Variants in POLR2F observed in about 807,000 individuals in gnomAD.
POLR2F encodes the protein RNA polymerase II, I and III subunit F.
POLR2F carries 12 observed loss-of-function variants against 22.7 expected under a neutral mutation model. That is an observed-to-expected ratio of 0.53 (90% CI 0.34 to 0.86). The LOEUF is 0.86. Ranked by LOEUF, POLR2F falls within the 40% of genes least tolerant of loss-of-function variation. POLR2F has a pLI of 0.02. For synonymous variants in POLR2F, 57 were observed against 66.0 expected (o/e 0.86, Z 0.66); for missense variants, 126 against 171.5 (o/e 0.73, Z 1.48).
intron 1 of POLR2F, among the ~76,000 whole-genome samples, chr22:38,025,238 TGCTC>T (rs1254964099): frequency 6.6e-6 from 1 of 152,030 alleles, no homozygotes; most frequent in Non-Finnish European, 1.5e-5. Flanking sequence ...TGCACTCACT[TGCTC>T]ACACACACAC....
intron 1 of POLR2F, among the ~76,000 whole-genome samples, chr22:37,993,947 C>G (rs1190789991): frequency 1.3e-5 from 2 of 152,192 alleles, no homozygotes; most frequent in East Asian, 3.8e-4. Flanking sequence ...CGAGATCGCG[C>G]CACTGCACTC....
chr22:38,038,837 G>A (rs2145838172), intron 5 of POLR2F, among the ~76,000 whole-genome samples: 1 of 139,362 alleles, frequency 7.2e-6, no homozygotes, highest in South Asian at 2.6e-4. Context: ...CGTGGCGGCC[G>A]CGGCGCCCTC....
At chr22:38,007,653 A>T (rs550797377) in intron 1 of POLR2F, among the ~76,000 whole-genome samples, 4 of 152,324 alleles carry the variant, frequency 2.6e-5, no homozygotes, top group Admixed American at 2.6e-4. Flanking sequence ...GCGGGCCTCC[A>T]GTTCTTCCCG....
intron 1 of POLR2F, among the ~76,000 whole-genome samples, chr22:37,996,158 C>T (rs2084711815): frequency 6.6e-6 from 1 of 152,198 alleles, no homozygotes; most frequent in South Asian, 2.1e-4. Flanking sequence ...CAGCCAAGCC[C>T]CTGAGGACCT....
intron 1 of POLR2F, among the ~76,000 whole-genome samples, chr22:38,011,248 T>C (rs1233641997): frequency 1.3e-5 from 2 of 151,878 alleles, no homozygotes; most frequent in Non-Finnish European, 2.9e-5. Flanking sequence ...ACTATAGGCA[T>C]TCGCACCATG....
At chr22:38,010,512 C>G (rs2084861772) in intron 1 of POLR2F, among the ~76,000 whole-genome samples, 1 of 151,718 alleles carries the variant, frequency 6.6e-6, no homozygotes, top group East Asian at 1.9e-4. Context: ...TTCCTTCACC[C>G]TGAACAACAC....
intron 1 of POLR2F, among the ~76,000 whole-genome samples, chr22:38,019,954 C>T (rs530771142): frequency 3.3e-5 from 5 of 152,002 alleles, no homozygotes; most frequent in East Asian, 1.9e-4. Flanking sequence ...GCAGAGGTTG[C>T]GGTGAGCCGA....
intron 5 of POLR2F, among the ~76,000 whole-genome samples, chr22:38,039,027 G>A (rs2085145376): frequency 6.6e-6 from 1 of 152,146 alleles, no homozygotes; most frequent in Non-Finnish European, 1.5e-5. Context: ...CCCAGCCTCC[G>A]CGCCAGGCCT....
intron 1 of POLR2F, among the ~76,000 whole-genome samples, chr22:38,001,587 C>G (rs1233270284): frequency 2.0e-5 from 3 of 152,104 alleles, no homozygotes; most frequent in Non-Finnish European, 4.4e-5. Flanking sequence ...GGCTGGAGTG[C>G]TATGGTATAA....
chr22:37,984,093 T>G, upstream of POLR2F: 3 of 223,958 alleles, frequency 1.3e-5, no homozygotes, highest in East Asian at 9.9e-5. This position sits in a 1 kb window ranked among gnomAD's most constrained non-coding sequence, Gnocchi z 4.4. Flanking sequence ...GCTTTTTTTT[T>G]AGCCTCCTTT....
At position 38,040,971 on chromosome 22, in the gene POLR2F, T is replaced by C. The variant is rs1169091277; in HGVS notation, c.453-97T>C. ...GAGAATAATGATGACAACAGTGACG[T>C]TGATCAAAGGCTGAAGTTCTTCATG... On this transcript the variant is annotated intron_variant, in intron 5 of 5. Transcript: ENST00000407936. The C allele has an allele frequency of 7.6e-6, 12 of 1,585,108 alleles. 1 individual carries two copies. The highest frequency in any genetic ancestry group is 5.6e-5 in the South Asian group (5 of 89,964).
chr22:38,015,260 T>A (rs2084906493), intron 1 of POLR2F, among the ~76,000 whole-genome samples: 1 of 152,304 alleles, frequency 6.6e-6, no homozygotes, highest in East Asian at 1.9e-4. Flanking sequence ...TTGGTGCCCA[T>A]GGAAGGGGCC....
chr22:38,009,613 A>G (rs1489584139), intron 1 of POLR2F, among the ~76,000 whole-genome samples: 1 of 152,264 alleles, frequency 6.6e-6, no homozygotes, highest in East Asian at 1.9e-4. Flanking sequence ...TATCACCACA[A>G]TCAAGTAAAC....
downstream of POLR2F, among the ~76,000 whole-genome samples, chr22:37,970,395 G>T (rs915327532): frequency 7.6e-5 from 11 of 145,602 alleles, no homozygotes; most frequent in African/African-American, 2.8e-4. Context: ...GAGGTCAGGA[G>T]ATTGAGACCA....
At chr22:37,995,715 G>T (rs1480503307) in intron 1 of POLR2F, among the ~76,000 whole-genome samples, 1 of 152,012 alleles carries the variant, frequency 6.6e-6, no homozygotes, top group Admixed American at 6.6e-5. Flanking sequence ...GCTCACACCT[G>T]TAGTCCCAGC....
At chr22:37,958,076 G>A (rs1931471854) in intron 2 of POLR2F, among the ~76,000 whole-genome samples, 1 of 151,974 alleles carries the variant, frequency 6.6e-6, no homozygotes, top group Non-Finnish European at 1.5e-5. Flanking sequence ...TTCAGGTGTG[G>A]TCATAGCGCA....
downstream of POLR2F, chr22:38,041,468 G>T: frequency 3.5e-6 from 1 of 284,324 alleles, no homozygotes. Context: ...GTGGGCGGTG[G>T]AAAAGCTCCA....
At chr22:37,976,042 G>A (rs1932210319) in intron 4 of POLR2F, among the ~76,000 whole-genome samples, 1 of 152,070 alleles carries the variant, frequency 6.6e-6, no homozygotes, top group Non-Finnish European at 1.5e-5. Context: ...GGCCAACACG[G>A]TGAAAAACCA....
In POLR2F at chr22:37,974,587, A is replaced by G. The variant is rs188817036; in HGVS notation, c.293+7417A>G. 4.2e-3 allele frequency among the ~76,000 whole-genome samples: 633 copies of G among 152,252 alleles called. 3 individuals carry two copies. The highest frequency in any genetic ancestry group is 0.01 in the Middle Eastern group (3 of 294). On this transcript the variant is annotated intron_variant, in intron 4 of 4. Coordinates refer to the POLR2F transcript ENST00000405557. The surrounding 1 kb of genome is among the most constrained non-coding windows in gnomAD (Gnocchi z 5.4). ...AGGGTTGTCTTGAACTCCTGACCTC[A>G]GGTGATCCACCTGCCTCGGCCTCCC...
Sources: allele counts gnomAD v4.1 joint callset (sites outside exome capture counted in the v4.1 genomes callset), GRCh38; gene constraint gnomAD v4.1.1; non-coding constraint Gnocchi (gnomAD v3.1); transcripts MANE v1.5; gene names NCBI Gene and HGNC (gene_info 2026-07-23, HGNC 2026-07-21).